The following ATP2B1 variants were observed in gnomAD, a reference collection of about 807,000 sequenced individuals.
The protein encoded by ATP2B1 is ATPase plasma membrane Ca2+ transporting 1, also known as plasma membrane calcium-transporting ATPase 1.
ATP2B1 carries 14 observed loss-of-function variants against 124.2 expected under a neutral mutation model. The ratio of observed to expected loss-of-function variants is 0.11; its 90% CI spans 0.07 to 0.18. The LOEUF (loss-of-function observed/expected upper bound fraction) is 0.18, where lower values mean the gene tolerates loss of function less well. Among genes scored for constraint, ATP2B1 ranks in the 10% least tolerant of loss-of-function variants. The pLI, the probability that ATP2B1 is intolerant of heterozygous loss-of-function variation, is 1.00. For missense variants in ATP2B1, 763 were observed against 1,466.1 expected (o/e 0.52, Z 7.83); for synonymous variants, 449 against 492.4 (o/e 0.91, Z 1.17).
In ATP2B1 at chr12:89,627,719, G is replaced by A; in HGVS notation, c.929-3C>T. 6.2e-7 allele frequency: 1 copy of A among 1,613,602 alleles called. No individual in the cohort carries two copies. The highest frequency in any genetic ancestry group is 8.5e-7 in the Non-Finnish European group (1 of 1,179,756). ...AATAGCTCCATCTTGTTTCTTATCT[G>A]TAGGAACAAAATGGGAATTAAAGCT... On this transcript the variant is annotated splice_polypyrimidine_tract_variant and splice_region_variant and intron_variant, in intron 6 of 20. Transcript: ENST00000428670.
At position 89,601,498 on chromosome 12, in the gene ATP2B1, A is replaced by C. The variant is rs552339430; in HGVS notation, c.3061-65T>G. Reference sequence around the variant, plus strand: ...ATTTTAAAATTCATATACTTAAAAAAATATCAAATTTATGTCCTCTAAAAC... The same window carrying C: ...ATTTTAAAATTCATATACTTAAAAACATATCAAATTTATGTCCTCTAAAAC... On this transcript the variant is annotated intron_variant, in intron 18 of 20. Transcript: ENST00000428670. The C allele has an allele frequency of 1.4e-4, 141 of 1,009,700 alleles. No homozygotes were observed. The East Asian group carries it at 4.0e-3, about 29-fold the overall frequency. The allele number at this position is 1,009,700 out of a possible 1,614,324, so 62.5% of individuals were successfully genotyped here.
intron 2 of ATP2B1, among the ~76,000 whole-genome samples, chr12:89,644,065 T>G (rs546816645): frequency 1.3e-5 from 2 of 152,110 alleles, no homozygotes; most frequent in South Asian, 4.2e-4. Flanking sequence ...GAGGTTGCAG[T>G]GAGCCACGAT....
intron 11 of ATP2B1, among the ~76,000 whole-genome samples, chr12:89,618,933 T>C (rs1170741891): frequency 6.6e-6 from 1 of 152,172 alleles, no homozygotes; most frequent in East Asian, 1.9e-4. Flanking sequence ...ATTTTAAATA[T>C]TATAATTTCA....
chr12:89,665,414 T>C (rs951383517), intron 1 of ATP2B1, among the ~76,000 whole-genome samples: 2 of 152,216 alleles, frequency 1.3e-5, no homozygotes, highest in African/African-American at 4.8e-5. Context: ...AGGTACCTAC[T>C]TTCTTTTGCT....
chr12:89,646,544 A>G (rs1884476765), intron 2 of ATP2B1, among the ~76,000 whole-genome samples: 1 of 152,218 alleles, frequency 6.6e-6, no homozygotes, highest in Admixed American at 6.5e-5. Context: ...AAGCCCAGAG[A>G]CGAAAAGAGG....
intron 1 of ATP2B1, among the ~76,000 whole-genome samples, chr12:89,699,025 C>A (rs944680204): frequency 1.3e-5 from 2 of 152,188 alleles, no homozygotes; most frequent in African/African-American, 4.8e-5. Flanking sequence ...GGAAAGATAT[C>A]TGGGTATCAA....
At chr12:89,635,284 A>G (rs1882508173) in intron 3 of ATP2B1, 33 bp from the exon 4 acceptor site, 1 of 1,596,554 alleles carries the variant, frequency 6.3e-7, no homozygotes, top group Non-Finnish European at 8.5e-7. Context: ...CTTATCAAAA[A>G]GATTCTGAAT....
chr12:89,649,217 A>G (rs1002996508), intron 2 of ATP2B1, among the ~76,000 whole-genome samples: 3 of 152,268 alleles, frequency 2.0e-5, no homozygotes, highest in Admixed American at 6.5e-5. Context: ...CTAGAACAGT[A>G]GAGCCACTGG....
intron 20 of ATP2B1, among the ~76,000 whole-genome samples, chr12:89,595,367 T>A (rs771025545): frequency 1.3e-5 from 2 of 151,786 alleles, no homozygotes; most frequent in African/African-American, 4.8e-5. Flanking sequence ...GAAAAAAAAA[T>A]CTACTAATGG....
At chr12:89,647,931 T>C (rs1884720237) in intron 2 of ATP2B1, among the ~76,000 whole-genome samples, 2 of 152,302 alleles carry the variant, frequency 1.3e-5, no homozygotes, top group Non-Finnish European at 2.9e-5. Flanking sequence ...CTGCTCCTGC[T>C]TCACCTTCTG....
At chr12:89,632,369 G>A (rs558866152) in intron 5 of ATP2B1, among the ~76,000 whole-genome samples, 65 of 152,198 alleles carry the variant, frequency 4.3e-4, no homozygotes, top group African/African-American at 1.4e-3. Context: ...TTAGGCCTTT[G>A]CTTCCTTGCT....
chr12:89,625,277 A>AC lies in ATP2B1; in HGVS notation c.1130-881dup, dbSNP rs982447141. ...CAAGACTCTGTCTCCCACCCTCAAC[A>AC]CCCCCCGCCCCCAAAAATAGAGGCA... On this transcript the variant is annotated intron_variant, in intron 8 of 20. Coordinates refer to ENST00000428670, the MANE Select transcript of ATP2B1 (RefSeq NM_001366521.1). 7.0e-5 allele frequency among the ~76,000 whole-genome samples: 10 copies of AC among 143,482 alleles called. 1 individual carries two copies. The highest frequency in any genetic ancestry group is 7.5e-3 in the Middle Eastern group (2 of 268). 94.1% of individuals were successfully genotyped at this position (143,482 alleles called of 152,430 possible).
chr12:89,610,377 T>G, intron 14 of ATP2B1, 44 bp downstream of exon 14: 5 of 1,476,662 alleles, frequency 3.4e-6, no homozygotes, highest in Non-Finnish European at 4.7e-6. Context: ...GCAGAACACA[T>G]TTCTGTATTA....
At chr12:89,678,457 T>A (rs1174103084) in intron 1 of ATP2B1, among the ~76,000 whole-genome samples, 1 of 152,172 alleles carries the variant, frequency 6.6e-6, no homozygotes. Context: ...TTTACTCTTC[T>A]GAAATGATCT....
chr12:89,635,167 ACTAC>A lies in ATP2B1; in HGVS notation c.487_490del (p.Val163CysfsTer5). 1 of 1,613,858 alleles carries A rather than the reference ACTAC, an allele frequency of 6.2e-7. No individual in the cohort carries two copies. The highest frequency in any genetic ancestry group is 8.5e-7 in the Non-Finnish European group (1 of 1,179,880). The stretch of plus-strand genomic sequence containing the variant: ...GAAAGCTGTTACTAACACCACACAC[ACTAC>A]AGACAAGAGGATTGCAGCTCCTTCA... On this transcript the variant is annotated frameshift_variant, in exon 4 of 21. Transcript: ENST00000428670. LOFTEE classifies it high-confidence loss of function.
At chr12:89,669,733 TTTTAA>T (rs1887719476) in intron 1 of ATP2B1, among the ~76,000 whole-genome samples, 1 of 152,206 alleles carries the variant, frequency 6.6e-6, no homozygotes, top group South Asian at 2.1e-4. Flanking sequence ...ATAGTAATAT[TTTTAA>T]TTTGTCTCTA....
chr12:89,647,322 C>T (rs1884602519), intron 2 of ATP2B1, among the ~76,000 whole-genome samples: 1 of 152,114 alleles, frequency 6.6e-6, no homozygotes, highest in Admixed American at 6.5e-5. Context: ...GGTCTGACTC[C>T]ATCATTGTTT....
At chr12:89,707,935 T>C (rs574232155) in intron 1 of ATP2B1, among the ~76,000 whole-genome samples, 4 of 152,208 alleles carry the variant, frequency 2.6e-5, no homozygotes, top group Admixed American at 6.5e-5. Flanking sequence ...GGCGCAGGCT[T>C]TTTTCTCTTA....
chr12:89,653,338 G>C (rs1423703355), intron 2 of ATP2B1, among the ~76,000 whole-genome samples: 1 of 129,656 alleles, frequency 7.7e-6, no homozygotes, highest in Non-Finnish European at 1.6e-5. Context: ...CGCCCAGGCC[G>C]GACTGCGGAC....
Sources: allele counts gnomAD v4.1 joint callset (sites outside exome capture counted in the v4.1 genomes callset), GRCh38; gene constraint gnomAD v4.1.1; transcripts MANE v1.5; gene names NCBI Gene and HGNC (gene_info 2026-07-23, HGNC 2026-07-21).